Variants in SORCS1 observed in about 807,000 individuals in gnomAD.
The protein encoded by SORCS1 is sortilin related VPS10 domain containing receptor 1, also known as VPS10 domain-containing receptor SorCS1.
A neutral mutation model predicts 146.1 loss-of-function variants in SORCS1; 60 were observed. That is an observed-to-expected ratio of 0.41 (90% confidence interval 0.33 to 0.51). The LOEUF is 0.51. Among genes scored for constraint, SORCS1 ranks in the 20% least tolerant of loss-of-function variants. SORCS1 has a pLI of 0.21. For missense variants in SORCS1, 1,352 were observed against 1,487.6 expected (o/e 0.91, Z 1.50); for synonymous variants, 637 against 584.0 (o/e 1.09, Z -1.31).
At chr10:106,901,077 A>G (rs1951681420) in intron 2 of SORCS1, among the ~76,000 whole-genome samples, 1 of 152,080 alleles carries the variant, frequency 6.6e-6, no homozygotes, top group Non-Finnish European at 1.5e-5. Flanking sequence ...CCCTCTGGAG[A>G]AGGATTATAG....
intron 4 of SORCS1, among the ~76,000 whole-genome samples, chr10:106,764,250 T>G (rs1859370761): frequency 6.6e-6 from 1 of 152,176 alleles, no homozygotes; most frequent in South Asian, 2.1e-4. Context: ...ACTTCAGACA[T>G]TTTCTCCCTA....
At chr10:106,992,818 CTTTCTTTCTTTTTT>C (rs1303530555) in intron 1 of SORCS1, among the ~76,000 whole-genome samples, 7 of 110,440 alleles carry the variant, frequency 6.3e-5, no homozygotes, top group African/African-American at 2.2e-4. Context: ...TTCTTCCTTT[CTTTCTTTCTTTTTT>C]TTTTTTTTTT....
intron 3 of SORCS1, among the ~76,000 whole-genome samples, chr10:106,793,066 A>G (rs947941236): frequency 3.3e-5 from 5 of 152,250 alleles, no homozygotes; most frequent in African/African-American, 1.2e-4. Flanking sequence ...AATGAAAAAG[A>G]CACTAAATGC....
intron 2 of SORCS1, among the ~76,000 whole-genome samples, chr10:106,955,073 G>T (rs1171767566): frequency 1.3e-5 from 2 of 152,244 alleles, no homozygotes; most frequent in Non-Finnish European, 2.9e-5. Flanking sequence ...CAGTGGGACT[G>T]AACGAGCTGT....
At position 106,699,449 on chromosome 10, in the gene SORCS1, G is replaced by A. The variant is rs143797501; in HGVS notation, c.1234-56C>T. The stretch of plus-strand genomic sequence containing the variant: ...AAAAAGAGTTTTATACATTAACCTG[G>A]CAGGCATCCAAAGAGTGTGGAATCA... On this transcript the variant is annotated intron_variant, in intron 8 of 25. Transcript: ENST00000263054. 1.6e-4 allele frequency: 240 copies of A among 1,482,900 alleles called. No homozygotes were observed. In the African/African-American group the frequency reaches 2.4e-3, roughly 15 times the overall value. 91.9% of individuals were successfully genotyped at this position (1,482,900 alleles called of 1,614,324 possible).
chr10:106,844,515 T>C (rs1484732227), intron 2 of SORCS1, among the ~76,000 whole-genome samples: 2 of 152,048 alleles, frequency 1.3e-5, no homozygotes, highest in Non-Finnish European at 2.9e-5. Flanking sequence ...TACAATTTCA[T>C]TCTTTTGCAG....
intron 18 of SORCS1, among the ~76,000 whole-genome samples, chr10:106,642,726 G>T (rs1849155077): frequency 6.6e-6 from 1 of 151,442 alleles, no homozygotes; most frequent in Admixed American, 6.6e-5. Context: ...ATATTCTTTA[G>T]AATAGATAAA....
chr10:107,145,914 T>A (rs1359961482), intron 1 of SORCS1, among the ~76,000 whole-genome samples: 1 of 152,240 alleles, frequency 6.6e-6, no homozygotes, highest in East Asian at 1.9e-4. Context: ...TATTTTTAAG[T>A]CAGTGCCTTA....
At chr10:107,168,981 G>T (rs774208299), upstream of SORCS1, among the ~76,000 whole-genome samples, 17 of 152,036 alleles carry the variant, frequency 1.1e-4, no homozygotes, top group Non-Finnish European at 1.8e-4. Flanking sequence ...AGGCTGAGGG[G>T]AATATATATA....
At chr10:107,127,664 C>T (rs1966790751) in intron 1 of SORCS1, among the ~76,000 whole-genome samples, 1 of 152,142 alleles carries the variant, frequency 6.6e-6, no homozygotes, top group Admixed American at 6.5e-5. Flanking sequence ...ACTTGTGCTT[C>T]CATCCTGCAT....
chr10:106,691,214 G>A (rs1685800185), intron 9 of SORCS1, among the ~76,000 whole-genome samples: 1 of 152,152 alleles, frequency 6.6e-6, no homozygotes, highest in South Asian at 2.1e-4. Flanking sequence ...GTAGGGTGGG[G>A]TAAAGTAATA....
At chr10:106,666,114 A>C (rs1236059798) in intron 17 of SORCS1, among the ~76,000 whole-genome samples, 2 of 152,336 alleles carry the variant, frequency 1.3e-5, no homozygotes, top group East Asian at 3.9e-4. Context: ...TGCTGAGATT[A>C]CAGGCGTGAG....
chr10:106,715,927 A>G (rs574203351), intron 6 of SORCS1, among the ~76,000 whole-genome samples: 3 of 151,904 alleles, frequency 2.0e-5, no homozygotes, highest in African/African-American at 7.2e-5. Context: ...TAATTTTTGT[A>G]TTTTTAGTAG....
At chr10:106,894,270 C>CGT (rs3982431) in intron 2 of SORCS1, among the ~76,000 whole-genome samples, 6,327 of 141,468 alleles carry the variant, frequency 0.045, 159 homozygotes, top group East Asian at 0.076. Context: ...CGCACGTGTG[C>CGT]GTGTGTGTGT....
chr10:106,957,456 G>C (rs1413022016), intron 1 of SORCS1, among the ~76,000 whole-genome samples: 1 of 152,090 alleles, frequency 6.6e-6, no homozygotes, highest in Admixed American at 6.5e-5. Flanking sequence ...ACAGGTGTGA[G>C]CCACCGCACC....
At chr10:107,022,225 T>C (rs973514283) in intron 1 of SORCS1, among the ~76,000 whole-genome samples, 2 of 152,126 alleles carry the variant, frequency 1.3e-5, no homozygotes, top group Admixed American at 6.6e-5. Flanking sequence ...ATTTAGGATG[T>C]TCATTTCTTC....
At chr10:107,106,811 C>T (rs923278336) in intron 1 of SORCS1, among the ~76,000 whole-genome samples, 3 of 152,038 alleles carry the variant, frequency 2.0e-5, no homozygotes, top group African/African-American at 7.3e-5. Flanking sequence ...GGGGGCAGAA[C>T]CTTCGTAAAT....
intron 2 of SORCS1, among the ~76,000 whole-genome samples, chr10:106,907,581 A>G (rs747191446): frequency 5.3e-5 from 8 of 152,200 alleles, no homozygotes; most frequent in Non-Finnish European, 1.0e-4. Flanking sequence ...GCAAATTAGT[A>G]AATATGTTCT....
intron 1 of SORCS1, among the ~76,000 whole-genome samples, chr10:106,990,829 A>G (rs1472714496): frequency 6.6e-6 from 1 of 152,260 alleles, no homozygotes; most frequent in African/African-American, 2.4e-5. Flanking sequence ...CAATTAAAAT[A>G]AAATCTCATT....
Sources: allele counts gnomAD v4.1 joint callset (sites outside exome capture counted in the v4.1 genomes callset), GRCh38; gene constraint gnomAD v4.1.1; transcripts MANE v1.5; gene names NCBI Gene and HGNC (gene_info 2026-07-23, HGNC 2026-07-21).